Variants in MEGF11 observed in about 807,000 individuals in gnomAD.
MEGF11 encodes the protein multiple EGF like domains 11.
MEGF11 carries 126 observed loss-of-function variants against 146.6 expected under a neutral mutation model. The observed-to-expected ratio is 0.86, with a 90% CI of 0.74 to 1.00. MEGF11 has a LOEUF of 1.00. Among genes scored for constraint, MEGF11 ranks in the 50% least tolerant of loss-of-function variants. The pLI, the probability that MEGF11 is intolerant of heterozygous loss-of-function variation, is 0.00. For missense variants in MEGF11, 1,509 were observed against 1,521.2 expected (o/e 0.99, Z 0.13); for synonymous variants, 532 against 583.4 (o/e 0.91, Z 1.27).
intron 1 of MEGF11, among the ~76,000 whole-genome samples, chr15:66,187,597 T>C (rs1472409588): frequency 1.3e-5 from 2 of 152,200 alleles, no homozygotes; most frequent in African/African-American, 4.8e-5. Context: ...CAGTCTTGTG[T>C]ACTCACACGC....
Position 65,985,192 on chromosome 15 carries a change from G to A in MEGF11, c.395-2704C>T, listed in dbSNP as rs536758222. Among the ~76,000 whole-genome samples the A allele has an allele frequency of 1.2e-4, 19 of 152,268 alleles. No individual in the cohort carries two copies. The South Asian group carries it at 1.7e-3, about 13-fold the overall frequency. On this transcript the variant is annotated intron_variant, in intron 5 of 25. Transcript: ENST00000395614. Reference sequence around the variant, plus strand: ...AGGTTTTCTTATTTTCCCATTTGACGGAGAATACACGGTCAGAGAAGTTAA... The same window carrying A: ...AGGTTTTCTTATTTTCCCATTTGACAGAGAATACACGGTCAGAGAAGTTAA...
chr15:66,025,919 AAACTT>A (rs1383401661), intron 5 of MEGF11, among the ~76,000 whole-genome samples: 1 of 152,234 alleles, frequency 6.6e-6, no homozygotes, highest in Non-Finnish European at 1.5e-5. Flanking sequence ...ACAGCACAGA[AAACTT>A]AAAAGGAGAA....
intron 1 of MEGF11, among the ~76,000 whole-genome samples, chr15:66,198,955 T>A (rs1361264616): frequency 6.6e-6 from 1 of 152,108 alleles, no homozygotes; most frequent in African/African-American, 2.4e-5. Context: ...AGTTAAATAA[T>A]CATCTCTGGA....
chr15:65,986,792 C>CTTTTTTTTTTTTTTT (rs1491353062), intron 5 of MEGF11, among the ~76,000 whole-genome samples: 14 of 134,020 alleles, frequency 1.0e-4, no homozygotes, highest in African/African-American at 3.5e-4. Context: ...GCTGATTTTT[C>CTTTTTTTTTTTTTTT]CTTTTTTTTT....
intron 10 of MEGF11, among the ~76,000 whole-genome samples, chr15:65,950,935 C>G (rs953657829): frequency 6.6e-6 from 1 of 152,226 alleles, no homozygotes; most frequent in Admixed American, 6.5e-5. Context: ...CCATGAATGT[C>G]CTTACTGTAA....
chr15:65,935,352 A>C, intron 10 of MEGF11, among the ~76,000 whole-genome samples: 1 of 143,774 alleles, frequency 7.0e-6, no homozygotes, highest in South Asian at 2.2e-4. Context: ...AAAAAAAAAA[A>C]AAAAAAAAAA....
intron 1 of MEGF11, among the ~76,000 whole-genome samples, chr15:66,182,199 A>G (rs2090567265): frequency 6.6e-6 from 1 of 152,198 alleles, no homozygotes; most frequent in Non-Finnish European, 1.5e-5. Flanking sequence ...AGAGTCTGCC[A>G]GTCCTCATAC....
chr15:66,216,741 T>A (rs1391980096), intron 1 of MEGF11, among the ~76,000 whole-genome samples: 2 of 152,120 alleles, frequency 1.3e-5, no homozygotes, highest in Non-Finnish European at 2.9e-5. Flanking sequence ...GGCTGGAGTA[T>A]TTAGGGAGAA....
chr15:66,187,520 G>A lies in MEGF11; in HGVS notation c.-8-59109C>T, dbSNP rs185735699. ...GCAACCAGGAACCACCAGGAGAGAG[G>A]CTGCCCCTCACACCCCCACCTCTCA... On this transcript the variant is annotated intron_variant, in intron 1 of 25. Coordinates refer to ENST00000395614, the MANE Select transcript of MEGF11 (RefSeq NM_001385028.1). Among the ~76,000 whole-genome samples the A allele has an allele frequency of 1.4e-4, 21 of 152,320 alleles. No individual in the cohort carries two copies. The East Asian group carries it at 4.1e-3, about 29-fold the overall frequency.
chr15:65,928,151 C>G (rs187113604), intron 13 of MEGF11, among the ~76,000 whole-genome samples: 1 of 152,288 alleles, frequency 6.6e-6, no homozygotes, highest in East Asian at 1.9e-4. Flanking sequence ...CCATCATATT[C>G]TCTAGATTGA....
chr15:66,144,258 G>A (rs2089282432), intron 1 of MEGF11, among the ~76,000 whole-genome samples: 1 of 152,124 alleles, frequency 6.6e-6, no homozygotes, highest in African/African-American at 2.4e-5. Context: ...CATCGGTGTT[G>A]TCCAAAAGCT....
chr15:66,239,731 G>A (rs906429298), intron 1 of MEGF11, among the ~76,000 whole-genome samples: 6 of 152,204 alleles, frequency 3.9e-5, no homozygotes, highest in African/African-American at 1.4e-4. Context: ...GTCATGTGGA[G>A]CACTGGATGC....
chr15:65,974,992 C>T (rs2081404237), intron 7 of MEGF11, among the ~76,000 whole-genome samples: 1 of 151,952 alleles, frequency 6.6e-6, no homozygotes, highest in Non-Finnish European at 1.5e-5. Context: ...ATTACAGGTG[C>T]CCGCCACCAC....
At chr15:65,949,226 C>T (rs902864798) in intron 10 of MEGF11, among the ~76,000 whole-genome samples, 1 of 152,150 alleles carries the variant, frequency 6.6e-6, no homozygotes, top group African/African-American at 2.4e-5. Flanking sequence ...TGGGGGAGGC[C>T]GGGGGAGCGT....
chr15:66,054,974 C>T (rs75996109), intron 5 of MEGF11, among the ~76,000 whole-genome samples: 2,390 of 152,232 alleles, frequency 0.016, 28 homozygotes, highest in African/African-American at 0.019. Flanking sequence ...CTCTAGAAGC[C>T]GGCAGTAAAT....
At chr15:66,229,706 C>T (rs1405259248) in intron 1 of MEGF11, among the ~76,000 whole-genome samples, 3 of 151,718 alleles carry the variant, frequency 2.0e-5, no homozygotes, top group African/African-American at 7.3e-5. Context: ...GCAAGGCTCC[C>T]ACAGGGAGGA....
chr15:66,224,452 C>T lies in MEGF11; in HGVS notation c.-9+29153G>A, dbSNP rs893794635. 7.2e-5 allele frequency among the ~76,000 whole-genome samples: 11 copies of T among 151,834 alleles called. No individual in the cohort carries two copies. In the South Asian group the frequency reaches 8.3e-4, roughly 11 times the overall value. ...CAAAAAAACTAGCCGGGCATGGTGG[C>T]GCATGCCTGTAATCCCAACTACTTG... is the stretch of plus-strand genomic sequence containing the variant. On this transcript the variant is annotated intron_variant, in intron 1 of 25. Coordinates refer to ENST00000395614, the MANE Select transcript of MEGF11 (RefSeq NM_001385028.1).
At chr15:66,201,530 G>A (rs966518261) in intron 1 of MEGF11, among the ~76,000 whole-genome samples, 3 of 152,134 alleles carry the variant, frequency 2.0e-5, no homozygotes, top group African/African-American at 7.2e-5. Flanking sequence ...AGGGGTGATG[G>A]AGGAGCTGTG....
At position 66,041,275 on chromosome 15, in the gene MEGF11, T is replaced by C. The variant is rs552929640; in HGVS notation, c.394+53127A>G. On this transcript the variant is annotated intron_variant, in intron 5 of 25. Transcript: ENST00000395614. ...AGAGATAAACTGTGTTTATTAAGGC[T>C]CACAGACTGCTGGGCAGAAAATGCA... Among the ~76,000 whole-genome samples, 53 of 152,304 alleles carry C rather than the reference T, an allele frequency of 3.5e-4. 1 individual carries two copies. In the South Asian group the frequency reaches 0.011, roughly 32 times the overall value.
Sources: gnomAD v4.1 joint callset for allele counts (sites outside exome capture counted in the v4.1 genomes callset) on GRCh38, gnomAD v4.1.1 for gene constraint, MANE v1.5 for transcripts, NCBI Gene and HGNC (gene_info 2026-07-23, HGNC 2026-07-21) for gene names.